Variants in C10orf105 observed in about 807,000 individuals in gnomAD.
C10orf105 encodes the protein uncharacterized protein C10orf105.
In C10orf105, 2 loss-of-function variants were observed where a neutral mutation model predicts 0.6. The ratio of observed to expected loss-of-function variants is 3.18; its 90% CI spans 1.30 to 10.01. The LOEUF (loss-of-function observed/expected upper bound fraction) is 10.01, where lower values mean the gene tolerates loss of function less well. Ranked by LOEUF, C10orf105 falls within the 30% of genes most tolerant of loss-of-function variation. The pLI, the probability that C10orf105 is intolerant of heterozygous loss-of-function variation, is 0.04. For missense variants in C10orf105, 209 were observed against 191.4 expected (o/e 1.09, Z -0.54); for synonymous variants, 95 against 82.4 (o/e 1.15, Z -0.83).
At chr10:71,732,752 TGTTTTC>T in intron 1 of C10orf105, 27 of 1,107,418 alleles carry the variant, frequency 2.4e-5, no homozygotes, top group South Asian at 1.4e-4. Flanking sequence ...TTTTTCCTTC[TGTTTTC>T]ACACCCATCA....
upstream of C10orf105, chr10:71,724,137 T>C: frequency 6.5e-7 from 1 of 1,550,292 alleles, no homozygotes; most frequent in Non-Finnish European, 8.7e-7. Context: ...TGGGGGGCGG[T>C]CCTCCTGCCC....
At chr10:71,725,987 A>G (rs901342204) in intron 1 of C10orf105, among the ~76,000 whole-genome samples, 2 of 151,154 alleles carry the variant, frequency 1.3e-5, no homozygotes, top group Non-Finnish European at 3.0e-5. Flanking sequence ...TGACCCTAAT[A>G]TATTCCAGTC....
chr10:71,716,320 G>A lies in C10orf105; in HGVS notation c.18C>T (p.Pro6=), dbSNP rs765286636. The A allele has an allele frequency of 4.7e-6, 7 of 1,494,558 alleles. No homozygotes were observed. The highest frequency in any genetic ancestry group is 2.0e-4 in the Middle Eastern group (1 of 4,974). 92.6% of individuals were successfully genotyped at this position (1,494,558 alleles called of 1,614,324 possible). A position where few individuals can be genotyped will look rare whatever the true frequency, so the allele number is the denominator to read the frequency against. Residue 6 remains proline, a synonymous_variant, in exon 2 of 2, where the codon CCC becomes CCT. Transcript: ENST00000441508. MSTEG[P]SLASSPAISP... is the part of the protein sequence containing the mutation. ...TGATGGCTGGGGAGCTGGCGAGGCT[G>A]GGGCCCTCTGTGCTCATGGCTCCTG...
intron 1 of C10orf105, chr10:71,732,055 A>G: frequency 6.2e-7 from 1 of 1,614,046 alleles, no homozygotes; most frequent in Non-Finnish European, 8.5e-7. Context: ...TGACGAGAGC[A>G]CAGGGCTTAT....
At chr10:71,734,168 A>G in intron 1 of C10orf105, 1 of 1,276,034 alleles carries the variant, frequency 7.8e-7, no homozygotes, top group Non-Finnish European at 1.1e-6. Flanking sequence ...TGGAGGTGGA[A>G]AAGTGGGCAG....
chr10:71,725,491 G>A lies in C10orf105; in HGVS notation c.-5-9149C>T, dbSNP rs397517325. The A allele has an allele frequency of 1.5e-5, 25 of 1,613,776 alleles. No individual in the cohort carries two copies. The highest frequency in any genetic ancestry group is 1.2e-4 in the African/African-American group (9 of 75,060). ...GCTGATAGTGGAGGCCTACAACCAC[G>A]ACCTGGGCCCCATGCGGAGCTCCGT... On this transcript the variant is annotated intron_variant, in intron 1 of 1. Transcript: ENST00000398786.
intron 1 of C10orf105, chr10:71,732,764 C>G: frequency 9.6e-7 from 1 of 1,045,902 alleles, no homozygotes; most frequent in Non-Finnish European, 1.2e-6. Context: ...TTTTCACACC[C>G]ATCACAGATC....
intron 1 of C10orf105, among the ~76,000 whole-genome samples, chr10:71,726,072 T>G (rs1036433668): frequency 6.6e-6 from 1 of 152,204 alleles, no homozygotes; most frequent in Admixed American, 6.5e-5. Flanking sequence ...CAAATCAGCC[T>G]TAGTCCTCCC....
chr10:71,712,966 G>A lies in C10orf105; in HGVS notation c.*2970C>T. ...TCTGGAAGGTGCTGTGGGGAAAGGG[G>A]GACCCAGGCCCTCTCCCATCCCAGG... On this transcript the variant is annotated 3_prime_UTR_variant, in exon 2 of 2. Transcript: ENST00000441508. The A allele has an allele frequency of 3.2e-6, 3 of 930,310 alleles. No homozygotes were observed. The highest frequency in any genetic ancestry group is 5.1e-6 in the Non-Finnish European group (3 of 589,558). The allele number at this position is 930,310 out of a possible 1,614,324, so 57.6% of individuals were successfully genotyped here. A position where few individuals can be genotyped will look rare whatever the true frequency, so the allele number is the denominator to read the frequency against.
rs1866041836 is a variant in C10orf105 at position 71,712,938 on chromosome 10, T to A, written c.*2998A>T. 1.8e-6 allele frequency: 2 copies of A among 1,135,534 alleles called. No individual in the cohort carries two copies. Among genetic ancestry groups the A allele is most frequent in the African/African-American group, 1.5e-5 (1 of 65,128 alleles). 70.3% of individuals were successfully genotyped at this position (1,135,534 alleles called of 1,614,324 possible). On this transcript the variant is annotated 3_prime_UTR_variant, in exon 2 of 2. Coordinates refer to ENST00000441508, the MANE Select transcript of C10orf105 (RefSeq NM_001164375.3). ...AGGTGGGGGCCCAGGGTGGGTCCGC[T>A]GCTCTGGAAGGTGCTGTGGGGAAAG...
At chr10:71,737,010 G>A (rs1839585310) in intron 1 of C10orf105, among the ~76,000 whole-genome samples, 1 of 152,196 alleles carries the variant, frequency 6.6e-6, no homozygotes, top group South Asian at 2.1e-4. Context: ...GCCCTGTGGT[G>A]TGAGGAAACA....
upstream of C10orf105, among the ~76,000 whole-genome samples, chr10:71,720,584 G>C (rs1270099668): frequency 6.6e-6 from 1 of 152,190 alleles, no homozygotes; most frequent in Non-Finnish European, 1.5e-5. Context: ...CTCAAGACAG[G>C]AGTCATGGCC....
At chr10:71,725,772 G>T (rs1200968716) in intron 1 of C10orf105, among the ~76,000 whole-genome samples, 5 of 152,340 alleles carry the variant, frequency 3.3e-5, no homozygotes, top group African/African-American at 1.2e-4. Flanking sequence ...AGGGATGAAA[G>T]AGGTGTCCTT....
intron 1 of C10orf105, among the ~76,000 whole-genome samples, chr10:71,719,042 C>T (rs778295110): frequency 2.0e-5 from 3 of 151,970 alleles, no homozygotes; most frequent in South Asian, 2.1e-4. Flanking sequence ...CATGCCACTG[C>T]GCTACAGCCT....
intron 1 of C10orf105, chr10:71,732,020 CG>C (rs1839407721): frequency 6.2e-7 from 1 of 1,613,778 alleles, no homozygotes; most frequent in Non-Finnish European, 8.5e-7. Context: ...CGCATCCTGT[CG>C]GGCGCAGAGG....
At chr10:71,721,263 T>A (rs1434899998), upstream of C10orf105, among the ~76,000 whole-genome samples, 1 of 152,096 alleles carries the variant, frequency 6.6e-6, no homozygotes, top group Non-Finnish European at 1.5e-5. Flanking sequence ...ACCTGCCAGC[T>A]CCTAAGGTTT....
intron 1 of C10orf105, among the ~76,000 whole-genome samples, chr10:71,733,180 G>C (rs1405183736): frequency 6.6e-6 from 1 of 152,220 alleles, no homozygotes; most frequent in Non-Finnish European, 1.5e-5. Context: ...AAAGTATTAT[G>C]AAGGATAGTC....
chr10:71,731,967 G>C, intron 1 of C10orf105: 1 of 1,609,506 alleles, frequency 6.2e-7, no homozygotes, highest in South Asian at 1.1e-5. Context: ...GGACTGCACA[G>C]CCTCTGTGTC....
intron 1 of C10orf105, chr10:71,732,863 C>G (rs1033856938): frequency 3.9e-4 from 107 of 275,632 alleles, no homozygotes; most frequent in Admixed American, 7.5e-4. Flanking sequence ...GCTGGGAATC[C>G]TATAGTTTGA....
Sources: gnomAD v4.1 joint callset for allele counts (sites outside exome capture counted in the v4.1 genomes callset) on GRCh38, gnomAD v4.1.1 for gene constraint, MANE v1.5 for transcripts, NCBI Gene and HGNC (gene_info 2026-07-23, HGNC 2026-07-21) for gene names.